The following RASEF variants were observed in gnomAD, a reference collection of about 807,000 sequenced individuals.
RASEF encodes the protein RAS and EF-hand domain containing.
In RASEF, 68 loss-of-function variants were observed where a neutral mutation model predicts 90.1. The observed-to-expected ratio is 0.75, with a 90% CI of 0.62 to 0.92. The LOEUF (loss-of-function observed/expected upper bound fraction) is 0.92. RASEF is among the 40% of genes least tolerant of loss of function. The pLI is 0.00. For missense variants in RASEF, 949 were observed against 937.2 expected, an observed-to-expected ratio of 1.01 and a Z score of -0.16; for synonymous variants, 331 against 345.2, an observed-to-expected ratio of 0.96 and a Z score of 0.46.
In RASEF at chr9:82,992,908, T is replaced by C; in HGVS notation, c.2038A>G (p.Met680Val). Reference protein sequence around the residue: ...VPGHFGEKLAMTYGALFCETS... With the variant: ...VPGHFGEKLAVTYGALFCETS... ...TTCTGAGGCATCCTCACTCTTACCA[T>C]GGCCAGTTTCTCTCCAAAGTGCCCT... is the stretch of plus-strand genomic sequence containing the variant. Residue 680 changes from methionine to valine, a missense_variant and splice_region_variant, in exon 15 of 17, where the codon ATG becomes GTG. Physicochemically the swap from Met to Val is conservative, Grantham distance 21 (BLOSUM62 1). Around this residue, in one of 3 missense-constraint regions of RASEF, gnomAD observed 288 missense variants for 328.4 expected, o/e 0.88. Coordinates refer to ENST00000376447, the MANE Select transcript of RASEF (RefSeq NM_152573.4). 1 of 1,613,758 alleles carries C rather than the reference T, an allele frequency of 6.2e-7. No homozygotes were observed. Among genetic ancestry groups the C allele is most frequent in the Non-Finnish European group, 8.5e-7 (1 of 1,179,788 alleles).
At chr9:83,136,170 T>C in the RASEF span, among the ~76,000 whole-genome samples, 6 of 152,118 alleles carry the variant, frequency 3.9e-5, no homozygotes, top group Non-Finnish European at 8.8e-5. Context: ...TTTCTGCATG[T>C]ATGCATATTG....
intron 5 of RASEF, among the ~76,000 whole-genome samples, chr9:83,011,333 C>G (rs1012488778): frequency 1.3e-5 from 2 of 152,122 alleles, no homozygotes; most frequent in Non-Finnish European, 2.9e-5. Context: ...AGCGGGTGAT[C>G]ATGAGGTCAA....
chr9:83,048,144 G>T, intron 1 of RASEF: 1 of 985,402 alleles, frequency 1.0e-6, no homozygotes, highest in African/African-American at 1.7e-5. Flanking sequence ...CTCCACGTTT[G>T]TAAACCCTCC....
chr9:83,217,956 C>T, the RASEF span, among the ~76,000 whole-genome samples: 1 of 151,754 alleles, frequency 6.6e-6, no homozygotes, highest in Non-Finnish European at 1.5e-5. Flanking sequence ...CTCTGAGGCA[C>T]TCACTGTCTT....
chr9:83,020,469 G>A (rs116929856), intron 3 of RASEF, among the ~76,000 whole-genome samples: 1,546 of 152,290 alleles, frequency 0.01, 10 homozygotes, highest in Middle Eastern at 0.027. Flanking sequence ...AAGGTGTGAG[G>A]CGGACACTAG....
the RASEF span, among the ~76,000 whole-genome samples, chr9:83,159,792 A>C: frequency 4.6e-5 from 7 of 152,180 alleles, no homozygotes; most frequent in African/African-American, 1.2e-4. Context: ...TCCTCACCCA[A>C]ATCTCATCTT....
rs952235796 is a variant in RASEF at position 82,987,647 on chromosome 9, T to C, written c.2117+2744A>G. 1.2e-4 allele frequency among the ~76,000 whole-genome samples: 18 copies of C among 152,176 alleles called. 1 individual carries two copies. The highest frequency in any genetic ancestry group is 4.3e-4 in the African/African-American group (18 of 41,440). Reference sequence around the variant, plus strand: ...AGAATCGACTCTTCACCGGGGCACTTTGGAGCCATATAACTTTAATATGAC... The same window carrying C: ...AGAATCGACTCTTCACCGGGGCACTCTGGAGCCATATAACTTTAATATGAC... On this transcript the variant is annotated intron_variant, in intron 16 of 16. Transcript: ENST00000376447.
the RASEF span, among the ~76,000 whole-genome samples, chr9:83,161,099 GC>G: frequency 1.1e-4 from 17 of 151,766 alleles, no homozygotes; most frequent in Non-Finnish European, 8.8e-5. Context: ...TGGGGTCTGA[GC>G]CCCCCCCACA....
At chr9:83,018,962 A>G (rs977315335) in intron 3 of RASEF, among the ~76,000 whole-genome samples, 1 of 151,578 alleles carries the variant, frequency 6.6e-6, no homozygotes, top group Non-Finnish European at 1.5e-5. Context: ...ATATCTACAT[A>G]AAAAAAATAT....
intron 3 of RASEF, among the ~76,000 whole-genome samples, chr9:83,017,593 A>T (rs1348179606): frequency 6.6e-6 from 1 of 152,190 alleles, no homozygotes; most frequent in Non-Finnish European, 1.5e-5. Context: ...ATGCTGAGAG[A>T]TCAGATAAGA....
intron 6 of RASEF, among the ~76,000 whole-genome samples, chr9:83,008,930 A>ATATATATATATATATC (rs1829186546): frequency 7.6e-6 from 1 of 130,746 alleles, no homozygotes; most frequent in Non-Finnish European, 1.6e-5. Context: ...ATATATATAT[A>ATATATATATATATATC]TATATGACGT....
chr9:83,188,938 G>A, the RASEF span, among the ~76,000 whole-genome samples: 1 of 152,174 alleles, frequency 6.6e-6, no homozygotes, highest in Admixed American at 6.5e-5. Context: ...CCCAGCCACA[G>A]TTCTGTGGCT....
rs192095507 is a variant in RASEF at position 83,056,744 on chromosome 9, G to C, written c.431+5693C>G. Among the ~76,000 whole-genome samples, 9 of 152,308 alleles carry C rather than the reference G, an allele frequency of 5.9e-5. No homozygotes were observed. In the East Asian group the frequency reaches 1.7e-3, roughly 29 times the overall value. On this transcript the variant is annotated intron_variant, in intron 1 of 16. Transcript: ENST00000376447. ...AGCTAGAGAAGAGTCTGTAGTTCTG[G>C]GAGTACAGTCTCCCTGGTAACACTA... is the stretch of plus-strand genomic sequence containing the variant.
In RASEF at chr9:82,983,406, G is replaced by A. The variant is rs915030398; in HGVS notation, c.2118-624C>T. On this transcript the variant is annotated intron_variant, in intron 16 of 16. Transcript: ENST00000376447. The stretch of plus-strand genomic sequence containing the variant: ...ATTAACTGCTAGAGGCAAGACTCAC[G>A]AAAAAATGTCTTACTCTCCAAGATC... Among the ~76,000 whole-genome samples the A allele has an allele frequency of 9.9e-5, 15 of 151,992 alleles. No homozygotes were observed. In the East Asian group the frequency reaches 1.4e-3, roughly 14 times the overall value.
At chr9:82,999,085 CAA>C (rs1828975996) in intron 12 of RASEF, among the ~76,000 whole-genome samples, 1 of 102,666 alleles carries the variant, frequency 9.7e-6, no homozygotes, top group Non-Finnish European at 2.0e-5. Context: ...CATAAATTTA[CAA>C]AGACACTCAT....
At chr9:83,189,626 T>C in the RASEF span, among the ~76,000 whole-genome samples, 183 of 152,306 alleles carry the variant, frequency 1.2e-3, no homozygotes, top group African/African-American at 4.2e-3. Context: ...CTAACAAAAA[T>C]TGATTATATT....
chr9:83,126,321 A>G, the RASEF span, among the ~76,000 whole-genome samples: 5 of 152,178 alleles, frequency 3.3e-5, no homozygotes, highest in African/African-American at 4.8e-5. Flanking sequence ...GAATGCAGCA[A>G]GAAGGTGGCT....
the RASEF span, among the ~76,000 whole-genome samples, chr9:83,207,065 AC>A: frequency 6.6e-6 from 1 of 152,076 alleles, no homozygotes; most frequent in East Asian, 1.9e-4. Flanking sequence ...CTGAAAAGAG[AC>A]CCCTGATCTT....
At chr9:83,072,950 T>C in the RASEF span, among the ~76,000 whole-genome samples, 6 of 152,314 alleles carry the variant, frequency 3.9e-5, no homozygotes, top group South Asian at 1.0e-3. Context: ...ATAAAGTAGG[T>C]TTCTCAGTTT....
Sources: gnomAD v4.1 joint callset for allele counts (sites outside exome capture counted in the v4.1 genomes callset) on GRCh38, gnomAD v4.1.1 for gene constraint, gnomAD v4.1.1 regional missense constraint, MANE v1.5 for transcripts, NCBI Gene and HGNC (gene_info 2026-07-23, HGNC 2026-07-21) for gene names.